The following GRM7 variants were observed in gnomAD, a reference collection of about 807,000 sequenced individuals.
GRM7 encodes the protein metabotropic glutamate receptor 7.
In GRM7, 35 loss-of-function variants were observed where a neutral mutation model predicts 84.5. That is an observed-to-expected ratio of 0.41 (90% CI 0.32 to 0.55). The LOEUF is 0.55. Among genes scored for constraint, GRM7 ranks in the 20% least tolerant of loss-of-function variants. The pLI is 0.19. For synonymous variants in GRM7, 487 were observed against 455.1 expected (o/e 1.07, Z -0.89); for missense variants, 1,003 against 1,194.6 (o/e 0.84, Z 2.36).
At chr3:7,024,129 C>T (rs982895263) in intron 1 of GRM7, among the ~76,000 whole-genome samples, 3 of 152,164 alleles carry the variant, frequency 2.0e-5, no homozygotes, top group Non-Finnish European at 4.4e-5. Context: ...CTTACCTCCC[C>T]CCTTGTTTCT....
rs1404294958 is a variant in GRM7 at position 7,534,300 on chromosome 3, C to T, written c.1516-44122C>T. On this transcript the variant is annotated intron_variant, in intron 7 of 9. Coordinates refer to ENST00000357716, the MANE Select transcript of GRM7 (RefSeq NM_000844.4). ...AAGTGCTGTGATTACAGGCGTGAGC[C>T]ATGGCGCCCAGCTGAAAGTGCTGAA... 2.0e-5 allele frequency among the ~76,000 whole-genome samples: 3 copies of T among 152,176 alleles called. No homozygotes were observed. In the East Asian group the frequency reaches 5.8e-4, roughly 29 times the overall value.
At chr3:7,129,617 C>T (rs530231321) in intron 1 of GRM7, among the ~76,000 whole-genome samples, 1 of 152,202 alleles carries the variant, frequency 6.6e-6, no homozygotes, top group Admixed American at 6.5e-5. Context: ...TTGTCTTTTT[C>T]CATATCCCCT....
intron 7 of GRM7, among the ~76,000 whole-genome samples, chr3:7,511,350 A>C (rs929321681): frequency 4.6e-5 from 7 of 151,060 alleles, no homozygotes; most frequent in Admixed American, 1.3e-4. Context: ...ATCACACCTG[A>C]GCCTATTCCC....
chr3:7,397,022 G>C (rs778738112), intron 4 of GRM7, among the ~76,000 whole-genome samples: 3 of 151,878 alleles, frequency 2.0e-5, no homozygotes, highest in Non-Finnish European at 2.9e-5. Context: ...TGTGCCCATG[G>C]GTTCCATTTT....
intron 1 of GRM7, among the ~76,000 whole-genome samples, chr3:6,883,647 G>A (rs1695590638): frequency 6.6e-6 from 1 of 152,130 alleles, no homozygotes; most frequent in Admixed American, 6.6e-5. Flanking sequence ...GGCATTTTAG[G>A]TTGTATACTT....
At chr3:7,124,382 T>A (rs538498402) in intron 1 of GRM7, among the ~76,000 whole-genome samples, 1 of 152,310 alleles carries the variant, frequency 6.6e-6, no homozygotes, top group South Asian at 2.1e-4. Context: ...GGCTCACGCT[T>A]GTAATCCCAG....
intron 2 of GRM7, among the ~76,000 whole-genome samples, chr3:7,209,471 A>G (rs1050495343): frequency 2.0e-5 from 3 of 152,192 alleles, no homozygotes; most frequent in Admixed American, 2.0e-4. Context: ...GAGAAGTTAA[A>G]CATCCAGAGA....
At chr3:7,019,022 G>A (rs1175949945) in intron 1 of GRM7, among the ~76,000 whole-genome samples, 1 of 152,150 alleles carries the variant, frequency 6.6e-6, no homozygotes, top group East Asian at 1.9e-4. Context: ...GCTTGAACCC[G>A]GGAAGCGGAA....
rs557421545 is a variant in GRM7 at position 7,467,643 on chromosome 3, C to T, written c.1515+5921C>T. On this transcript the variant is annotated intron_variant, in intron 7 of 9. Transcript: ENST00000357716. ...GAGCTTCAGGGAAGAGAACTCAAAA[C>T]TTGAAAAGAAAAACTAGATCTAGGT... is the stretch of plus-strand genomic sequence containing the variant. Among the ~76,000 whole-genome samples, 85 of 146,212 alleles carry T rather than the reference C, an allele frequency of 5.8e-4. 2 individuals are homozygous for T. The East Asian group carries it at 0.01, about 18-fold the overall frequency.
At chr3:7,125,658 T>C (rs1004046326) in intron 1 of GRM7, among the ~76,000 whole-genome samples, 1 of 152,244 alleles carries the variant, frequency 6.6e-6, no homozygotes. Flanking sequence ...CCTGTTGGGC[T>C]ACATTCCATA....
chr3:7,719,674 T>A (rs1273639559), intron 9 of GRM7, among the ~76,000 whole-genome samples: 1 of 151,860 alleles, frequency 6.6e-6, no homozygotes, highest in Non-Finnish European at 1.5e-5. Context: ...TAGCCTGGCG[T>A]GGTGGCAGGC....
intron 8 of GRM7, among the ~76,000 whole-genome samples, chr3:7,660,263 G>A (rs1699380889): frequency 6.6e-6 from 1 of 152,130 alleles, no homozygotes; most frequent in South Asian, 2.1e-4. Context: ...CCTAACAATT[G>A]GTGCCTCTTG....
rs1697108935 is a variant in GRM7 at position 7,229,741 on chromosome 3, A to T, written c.737-68943A>T. Reference sequence around the variant, plus strand: ...TAGACACACACATATATATATATATATATATATATATATATATATTTTTTT... The same window carrying T: ...TAGACACACACATATATATATATATTTATATATATATATATATATTTTTTT... On this transcript the variant is annotated intron_variant, in intron 2 of 9. Transcript: ENST00000357716. Among the ~76,000 whole-genome samples the T allele has an allele frequency of 5.3e-5, 2 of 38,080 alleles. 1 individual carries two copies. Among genetic ancestry groups the T allele is most frequent in the Non-Finnish European group, 1.0e-4 (2 of 19,840 alleles). 25.0% of individuals were successfully genotyped at this position (38,080 alleles called of 152,430 possible).
At chr3:7,578,051 A>C (rs555084522) in intron 7 of GRM7, among the ~76,000 whole-genome samples, 1 of 152,330 alleles carries the variant, frequency 6.6e-6, no homozygotes, top group South Asian at 2.1e-4. Flanking sequence ...AAGACAGTAG[A>C]GTGCATGCCA....
At chr3:7,494,239 G>T (rs760084641) in intron 7 of GRM7, among the ~76,000 whole-genome samples, 1 of 152,038 alleles carries the variant, frequency 6.6e-6, no homozygotes, top group Non-Finnish European at 1.5e-5. Context: ...GGGTAGTTGC[G>T]CTGGATATAG....
intron 1 of GRM7, among the ~76,000 whole-genome samples, chr3:6,960,532 C>T (rs1693253067): frequency 6.6e-6 from 1 of 152,164 alleles, no homozygotes; most frequent in Admixed American, 6.5e-5. Flanking sequence ...ATCCAAGCAT[C>T]CCAGGATTTT....
chr3:7,156,299 A>T (rs577824170), intron 2 of GRM7, among the ~76,000 whole-genome samples: 12 of 152,332 alleles, frequency 7.9e-5, no homozygotes, highest in South Asian at 4.1e-4. Context: ...TGTTTTCTTT[A>T]TATTGCACTA....
chr3:7,670,854 AG>A (rs769223135), intron 8 of GRM7, among the ~76,000 whole-genome samples: 2 of 152,182 alleles, frequency 1.3e-5, no homozygotes, highest in Non-Finnish European at 2.9e-5. Context: ...TCCTACAAAA[AG>A]GCTAGTAGTT....
chr3:7,156,970 C>A (rs747669027), intron 2 of GRM7, among the ~76,000 whole-genome samples: 1 of 151,300 alleles, frequency 6.6e-6, no homozygotes, highest in Non-Finnish European at 1.5e-5. Context: ...AAAAAAAAAT[C>A]AGAATTCTTT....
Sources: gnomAD v4.1 joint callset for allele counts (sites outside exome capture counted in the v4.1 genomes callset) on GRCh38, gnomAD v4.1.1 for gene constraint, MANE v1.5 for transcripts, NCBI Gene and HGNC (gene_info 2026-07-23, HGNC 2026-07-21) for gene names.